PSMB7: variants seen among roughly 807,000 people sequenced by gnomAD.
PSMB7 encodes proteasome 20S subunit beta 7, also known as proteasome subunit beta type-7.
Under a neutral mutation model 28.1 loss-of-function variants are expected in PSMB7, and 5 were observed. The observed-to-expected ratio is 0.18, with a 90% CI of 0.09 to 0.37. The LOEUF (loss-of-function observed/expected upper bound fraction) is 0.37. PSMB7 is among the 10% of genes least tolerant of loss of function. The probability of loss-of-function intolerance (pLI) is 1.00; values close to 1 mark genes in which losing one functional copy is unlikely to be tolerated. For missense variants in PSMB7, 275 were observed against 346.2 expected, an observed-to-expected ratio of 0.79 and a Z score of 1.63; for synonymous variants, 122 against 123.7, an observed-to-expected ratio of 0.99 and a Z score of 0.09.
chr9:124,411,438 A>C (rs939275163), intron 4 of PSMB7, among the ~76,000 whole-genome samples: 4 of 152,188 alleles, frequency 2.6e-5, no homozygotes, highest in African/African-American at 9.6e-5. Flanking sequence ...AATTCTCACA[A>C]CCACCCCACT....
chr9:124,363,703 T>G (rs889136644), intron 6 of PSMB7, among the ~76,000 whole-genome samples: 4 of 151,356 alleles, frequency 2.6e-5, no homozygotes, highest in African/African-American at 9.7e-5. Flanking sequence ...CCTTGATAGC[T>G]TTTTTTTTGG....
At position 124,414,978 on chromosome 9, in the gene PSMB7, C is replaced by T. The variant is rs925157276; in HGVS notation, c.63-43G>A. 5 of 1,345,608 alleles carry T rather than the reference C, an allele frequency of 3.7e-6. No individual in the cohort carries two copies. In the African/African-American group the frequency reaches 4.3e-5, roughly 12 times the overall value. The allele number at this position is 1,345,608 out of a possible 1,614,324, so 83.4% of individuals were successfully genotyped here. The stretch of plus-strand genomic sequence containing the variant: ...AATCAAGTGTTGAAGGGCAGGACCA[C>T]ATCGCACAGCACTGGCATGAAAAGT... On this transcript the variant is annotated intron_variant, in intron 1 of 7. Coordinates refer to ENST00000259457, the MANE Select transcript of PSMB7 (RefSeq NM_002799.4).
intron 4 of PSMB7, among the ~76,000 whole-genome samples, chr9:124,411,759 A>G (rs1048876028): frequency 6.6e-6 from 1 of 152,220 alleles, no homozygotes; most frequent in Non-Finnish European, 1.5e-5. Flanking sequence ...CACCTCTTTA[A>G]ACCTCAATTT....
chr9:124,378,461 T>C (rs867787675), intron 6 of PSMB7, among the ~76,000 whole-genome samples: 1 of 152,194 alleles, frequency 6.6e-6, no homozygotes, highest in South Asian at 2.1e-4. Flanking sequence ...AGATGCTAAT[T>C]TGCAAGTCGA....
intron 7 of PSMB7, among the ~76,000 whole-genome samples, chr9:124,353,954 C>G (rs1377398218): frequency 6.6e-6 from 1 of 151,580 alleles, no homozygotes; most frequent in African/African-American, 2.4e-5. Flanking sequence ...TTGGTGGACA[C>G]GTGACTCTCC....
intron 6 of PSMB7, among the ~76,000 whole-genome samples, chr9:124,360,523 T>G (rs1830455610): frequency 6.6e-6 from 1 of 152,260 alleles, no homozygotes; most frequent in Non-Finnish European, 1.5e-5. Flanking sequence ...CAGCTGCCTA[T>G]GCATTTATGT....
At chr9:124,376,427 T>C (rs568618539) in intron 6 of PSMB7, among the ~76,000 whole-genome samples, 1 of 152,284 alleles carries the variant, frequency 6.6e-6, no homozygotes, top group African/African-American at 2.4e-5. Context: ...AAAAATGACC[T>C]TCCACAGCCA....
intron 5 of PSMB7, among the ~76,000 whole-genome samples, chr9:124,386,383 G>T (rs1830718707): frequency 6.6e-6 from 1 of 152,172 alleles, no homozygotes; most frequent in African/African-American, 2.4e-5. Flanking sequence ...TGAGATTCAG[G>T]GGTCAAGGGG....
chr9:124,398,168 A>C lies in PSMB7; in HGVS notation c.511+7149T>G, dbSNP rs140272228. On this transcript the variant is annotated intron_variant, in intron 5 of 7. Transcript: ENST00000259457. ...AGCCTGGGCAACAGAGTGAGACTCC[A>C]TCTCAAAAAAAAAAAAACCACCAAA... 4.6e-3 allele frequency among the ~76,000 whole-genome samples: 685 copies of C among 149,418 alleles called. 3 individuals carry two copies. The highest frequency in any genetic ancestry group is 0.017 in the African/African-American group (658 of 39,292).
At chr9:124,370,513 T>TC (rs1830549774) in intron 6 of PSMB7, among the ~76,000 whole-genome samples, 1 of 151,166 alleles carries the variant, frequency 6.6e-6, no homozygotes, top group African/African-American at 2.4e-5. Context: ...TTTGCTGACT[T>TC]TCCCCCCTTG....
chr9:124,356,707 A>G lies in PSMB7; in HGVS notation c.722+57T>C, dbSNP rs1830411177. 2 of 1,566,930 alleles carry G rather than the reference A, an allele frequency of 1.3e-6. No homozygotes were observed. The highest frequency in any genetic ancestry group is 3.5e-5 in the Admixed American group (2 of 57,078). ...AACTCCATCCAGATGCCATGGAGAT[A>G]CCAAGGGTGGCCACGACGCCAGGGG... On this transcript the variant is annotated intron_variant, in intron 7 of 7. Transcript: ENST00000259457. This position sits in a 1 kb window ranked among gnomAD's most constrained non-coding sequence, Gnocchi z 4.4.
chr9:124,393,183 T>C (rs1157611791), intron 5 of PSMB7, among the ~76,000 whole-genome samples: 3 of 152,156 alleles, frequency 2.0e-5, no homozygotes, highest in South Asian at 2.1e-4. Context: ...CAGGGGACCA[T>C]ATCCAGCCAC....
chr9:124,401,994 G>A (rs940847835), intron 5 of PSMB7, among the ~76,000 whole-genome samples: 6 of 151,070 alleles, frequency 4.0e-5, no homozygotes, highest in East Asian at 3.9e-4. Context: ...ACACCAGACC[G>A]GGTGACAGTG....
At chr9:124,392,317 C>A (rs1215072828) in intron 5 of PSMB7, among the ~76,000 whole-genome samples, 3 of 152,218 alleles carry the variant, frequency 2.0e-5, no homozygotes, top group East Asian at 3.8e-4. Context: ...TCTGGGAACA[C>A]CAAGAGGCAC....
intron 4 of PSMB7, 35 bp from the exon 5 acceptor site, chr9:124,405,467 G>A (rs367807454): frequency 3.5e-6 from 5 of 1,432,200 alleles, no homozygotes; most frequent in Non-Finnish European, 4.9e-6. Context: ...AAAAAAACAT[G>A]AGTCCACAAA....
intron 6 of PSMB7, among the ~76,000 whole-genome samples, chr9:124,373,616 C>T (rs555173044): frequency 2.0e-5 from 3 of 152,284 alleles, no homozygotes; most frequent in South Asian, 2.1e-4. Flanking sequence ...CCCATCTAAA[C>T]GTTTCCATAG....
chr9:124,377,010 T>C (rs1830617258), intron 6 of PSMB7, among the ~76,000 whole-genome samples: 1 of 152,244 alleles, frequency 6.6e-6, no homozygotes, highest in African/African-American at 2.4e-5. Context: ...GGCCTGTATC[T>C]ATCTATATCA....
At chr9:124,379,190 A>AT (rs5900609) in intron 6 of PSMB7, among the ~76,000 whole-genome samples, 75,514 of 152,128 alleles carry the variant, frequency 0.5, 19,185 homozygotes, top group East Asian at 0.69. Context: ...AAGTAATACA[A>AT]TTTTTATACC....
intron 7 of PSMB7, among the ~76,000 whole-genome samples, chr9:124,355,671 G>A (rs1291932913): frequency 6.6e-6 from 1 of 152,176 alleles, no homozygotes; most frequent in Non-Finnish European, 1.5e-5. Context: ...AGGCCCGAGG[G>A]ACTTCGTGGG....
Sources: gnomAD v4.1 joint callset for allele counts (sites outside exome capture counted in the v4.1 genomes callset) on GRCh38, gnomAD v4.1.1 for gene constraint, Gnocchi (gnomAD v3.1) non-coding constraint, MANE v1.5 for transcripts, NCBI Gene and HGNC (gene_info 2026-07-23, HGNC 2026-07-21) for gene names.